PLOD1: variants seen among roughly 807,000 people sequenced by gnomAD.
PLOD1 encodes the protein lysine hydroxylase.
In PLOD1, 70 loss-of-function variants were observed where a neutral mutation model predicts 94.7. That is an observed-to-expected ratio of 0.74 (90% CI 0.61 to 0.90). The LOEUF is 0.90. PLOD1 is among the 40% of genes least tolerant of loss of function. PLOD1 has a pLI of 0.00. For synonymous variants in PLOD1, 417 were observed against 400.2 expected (o/e 1.04, Z -0.50); for missense variants, 905 against 972.7 (o/e 0.93, Z 0.93).
rs552518372 is a variant in PLOD1 at position 11,967,008 on chromosome 1, T to C, written c.1672T>C (p.Phe558Leu). 1.2e-6 allele frequency: 2 copies of C among 1,613,436 alleles called. No individual in the cohort carries two copies. Among genetic ancestry groups the C allele is most frequent in the South Asian group, 2.2e-5 (2 of 91,060 alleles). Residue 558 changes from phenylalanine (F) to leucine (L), a missense_variant, in exon 16 of 19, where the codon TTC becomes CTC. Transcript: ENST00000196061. ...VETPCPDVYWFPIFTEVACDE... is the reference protein window; with the variant it reads ...VETPCPDVYWLPIFTEVACDE... ...CCAGCCCTGCCCGGATGTCTATTGG[T>C]TCCCCATCTTCACGGAGGTGGCCTG...
intron 12 of PLOD1, 62 bp from the exon 13 acceptor site, chr1:11,964,582 A>G: frequency 1.6e-5 from 21 of 1,349,318 alleles, no homozygotes; most frequent in African/African-American, 3.0e-5. Flanking sequence ...CCACCCTGTG[A>G]CCCCCTCCAT....
chr1:11,948,038 T>C lies in PLOD1; in HGVS notation c.139T>C (p.Ser47Pro). 1 of 1,613,782 alleles carries C rather than the reference T, an allele frequency of 6.2e-7. No individual in the cohort carries two copies. The highest frequency in any genetic ancestry group is 8.5e-7 in the Non-Finnish European group (1 of 1,179,668). Residue 47 changes from serine to proline, a missense_variant, in exon 2 of 19, where the codon TCA (serine) becomes CCA (proline). Physicochemically the swap from Ser to Pro is moderately conservative, Grantham distance 74. Transcript: ENST00000196061. ...ETEGFRRFKR[S>P]AQFFNYKIQA... Reference sequence around the variant, plus strand: ...CGAGGGATTCCGTCGCTTCAAGCGCTCAGCTCAGTTCTTCAACTACAAGAT... The same window carrying C: ...CGAGGGATTCCGTCGCTTCAAGCGCCCAGCTCAGTTCTTCAACTACAAGAT...
chr1:11,943,330 C>T (rs1437098091), intron 1 of PLOD1, among the ~76,000 whole-genome samples: 67 of 136,036 alleles, frequency 4.9e-4, no homozygotes, highest in Non-Finnish European at 8.5e-4. Context: ...GAGTTTTGTT[C>T]TTGTCGCCCA....
intron 1 of PLOD1, among the ~76,000 whole-genome samples, chr1:11,942,705 T>A (rs1645623195): frequency 6.6e-6 from 1 of 152,156 alleles, no homozygotes; most frequent in South Asian, 2.1e-4. Context: ...TGCAGCCCAG[T>A]GTCAGCGGAC....
At chr1:11,936,458 T>C (rs1645579254) in intron 1 of PLOD1, among the ~76,000 whole-genome samples, 1 of 151,682 alleles carries the variant, frequency 6.6e-6, no homozygotes, top group African/African-American at 2.4e-5. Flanking sequence ...AACCTGAAAC[T>C]GTATCACCAG....
intron 1 of PLOD1, among the ~76,000 whole-genome samples, chr1:11,940,123 A>C (rs988381079): frequency 1.3e-5 from 2 of 152,106 alleles, no homozygotes; most frequent in African/African-American, 4.8e-5. Flanking sequence ...CCTGGGCTCA[A>C]GCAATCCTCC....
At chr1:11,962,567 C>A (rs1023400030) in intron 10 of PLOD1, among the ~76,000 whole-genome samples, 1 of 152,116 alleles carries the variant, frequency 6.6e-6, no homozygotes, top group Non-Finnish European at 1.5e-5. Flanking sequence ...TGAGCCACCA[C>A]GCCCTGCCGA....
chr1:11,965,671 G>T, intron 14 of PLOD1, 78 bp downstream of exon 14: 1 of 894,608 alleles, frequency 1.1e-6, no homozygotes, highest in Admixed American at 1.8e-5. Context: ...TTCCCTCTCA[G>T]AGTCTTACAA....
chr1:11,959,107 A>C (rs1237419588), intron 9 of PLOD1, among the ~76,000 whole-genome samples: 3 of 152,092 alleles, frequency 2.0e-5, no homozygotes, highest in Non-Finnish European at 4.4e-5. Flanking sequence ...CAGGAGGCTG[A>C]GGCAGGAGAA....
At position 11,963,469 on chromosome 1, in the gene PLOD1, A is replaced by T. The variant is rs1371007428; in HGVS notation, c.1098-63A>T. The T allele has an allele frequency of 2.8e-6, 3 of 1,075,228 alleles. No individual in the cohort carries two copies. In the African/African-American group the frequency reaches 4.7e-5, roughly 17 times the overall value. 66.6% of individuals were successfully genotyped at this position (1,075,228 alleles called of 1,614,324 possible). ...TGGTGAAGCCAGACTGTGGTCACAG[A>T]TGTGAGCAGCCACCAGTAGCTCCAG... On this transcript the variant is annotated intron_variant, in intron 10 of 18. Coordinates refer to ENST00000196061, the MANE Select transcript of PLOD1 (RefSeq NM_000302.4). This position sits in a 1 kb window ranked among gnomAD's most constrained non-coding sequence, Gnocchi z 4.3.
At chr1:11,952,795 G>C in intron 5 of PLOD1, 60 bp downstream of exon 5, 1 of 1,205,850 alleles carries the variant, frequency 8.3e-7, no homozygotes. Context: ...CAGGCTGCAC[G>C]GGAACAGCTC....
chr1:11,938,356 A>C (rs962739296), intron 1 of PLOD1, among the ~76,000 whole-genome samples: 1 of 152,056 alleles, frequency 6.6e-6, no homozygotes, highest in Non-Finnish European at 1.5e-5. Context: ...AGCTGGTTGG[A>C]GGTGGGGTCA....
rs535803178 is a variant in PLOD1, at chr1:11,935,575, G to A, written c.76+720G>A. On this transcript the variant is annotated intron_variant, in intron 1 of 18. Coordinates refer to ENST00000196061, the MANE Select transcript of PLOD1 (RefSeq NM_000302.4). Reference sequence around the variant, plus strand: ...CTTGCTCTGTCGCCCAGGCTGGAACGCAGTATGCGATCTCGGCTTACTGCA... The same window carrying A: ...CTTGCTCTGTCGCCCAGGCTGGAACACAGTATGCGATCTCGGCTTACTGCA... 4.0e-5 allele frequency among the ~76,000 whole-genome samples: 6 copies of A among 151,104 alleles called. No individual in the cohort carries two copies. The South Asian group carries it at 6.3e-4, about 16-fold the overall frequency.
Position 11,962,764 on chromosome 1 carries a change from G to A in PLOD1, c.1098-768G>A, listed in dbSNP as rs1043254800. ...ATCTCTAAAAAAGGAAAAAAGGCCG[G>A]GTGCAGTGGCTCGCATCTGTAATCC... On this transcript the variant is annotated intron_variant, in intron 10 of 18. Coordinates refer to ENST00000196061, the MANE Select transcript of PLOD1 (RefSeq NM_000302.4). Among the ~76,000 whole-genome samples the A allele has an allele frequency of 9.9e-5, 15 of 151,916 alleles. 1 individual carries two copies. Among genetic ancestry groups the A allele is most frequent in the Admixed American group, 9.8e-4 (15 of 15,234 alleles).
In PLOD1 at chr1:11,954,914, G is replaced by A. The variant is rs1645727901; in HGVS notation, c.643+21G>A. 3.8e-6 allele frequency: 6 copies of A among 1,587,698 alleles called. No individual in the cohort carries two copies. The African/African-American group carries it at 4.0e-5, about 11-fold the overall frequency. ...CTTGGGTGAGCAGCCCCCACGGGGA[G>A]GGGTGGATCCTCAGAGGGGTGATAG... On this transcript the variant is annotated intron_variant, in intron 6 of 18. Transcript: ENST00000196061.
intron 16 of PLOD1, among the ~76,000 whole-genome samples, chr1:11,969,833 G>A (rs1014691153): frequency 3.9e-5 from 6 of 152,172 alleles, no homozygotes; most frequent in Non-Finnish European, 5.9e-5. Flanking sequence ...TTAGCCAGGC[G>A]CAGTGGTTCA....
intron 1 of PLOD1, among the ~76,000 whole-genome samples, chr1:11,941,631 C>G (rs146930315): frequency 0.042 from 6,413 of 152,120 alleles, 434 homozygotes; most frequent in African/African-American, 0.15. Flanking sequence ...AGGCGCCTGC[C>G]ACCATGCCCA....
At chr1:11,950,564 C>T in intron 4 of PLOD1, 44 bp downstream of exon 4, 1 of 1,585,524 alleles carries the variant, frequency 6.3e-7, no homozygotes, top group Non-Finnish European at 8.6e-7. Context: ...CAGAGGGGTC[C>T]ATCTACTGCC....
At chr1:11,954,200 T>TACCATTAAAAA in intron 5 of PLOD1, 3 of 132,262 alleles carry the variant, frequency 2.3e-5, no homozygotes, top group South Asian at 1.7e-4. Context: ...CCAGGTGCGG[T>TACCATTAAAAA]GGCTCACACC....
Sources: gnomAD v4.1 joint callset for allele counts (sites outside exome capture counted in the v4.1 genomes callset) on GRCh38, gnomAD v4.1.1 for gene constraint, Gnocchi (gnomAD v3.1) non-coding constraint, MANE v1.5 for transcripts, NCBI Gene and HGNC (gene_info 2026-07-23, HGNC 2026-07-21) for gene names.